The following HERC1 variants were observed in gnomAD, a reference collection of about 807,000 sequenced individuals.
HERC1 encodes probable E3 ubiquitin-protein ligase HERC1.
Under a neutral mutation model 554.3 loss-of-function variants are expected in HERC1, and 160 were observed. That is an observed-to-expected ratio of 0.29 (90% CI 0.25 to 0.33). The LOEUF (loss-of-function observed/expected upper bound fraction) is 0.33. Among genes scored for constraint, HERC1 ranks in the 10% least tolerant of loss-of-function variants. The probability of loss-of-function intolerance (pLI) is 1.00; values close to 1 mark genes in which losing one functional copy is unlikely to be tolerated. For synonymous variants in HERC1, 2,175 were observed against 2,131.7 expected, an observed-to-expected ratio of 1.02 and a Z score of -0.56; for missense variants, 4,919 against 5,918.5, an observed-to-expected ratio of 0.83 and a Z score of 5.54.
At chr15:63,638,026 G>C (rs1301557585) in intron 63 of HERC1, among the ~76,000 whole-genome samples, 2 of 152,116 alleles carry the variant, frequency 1.3e-5, no homozygotes, top group African/African-American at 4.8e-5. Flanking sequence ...CCTCGAGAAG[G>C]GTTTGGCGCT....
intron 12 of HERC1, among the ~76,000 whole-genome samples, chr15:63,737,137 T>A (rs1373062423): frequency 2.0e-5 from 3 of 151,334 alleles, no homozygotes; most frequent in Non-Finnish European, 4.4e-5. Flanking sequence ...ATTAAAAAGA[T>A]GATAAAAGAA....
chr15:63,796,273 C>A (rs988952163), intron 1 of HERC1, among the ~76,000 whole-genome samples: 1 of 152,206 alleles, frequency 6.6e-6, no homozygotes, highest in African/African-American at 2.4e-5. Context: ...TATTTTCCAA[C>A]AGTTACATCT....
At chr15:63,703,857 C>A (rs2153086101) in intron 25 of HERC1, among the ~76,000 whole-genome samples, 1 of 151,178 alleles carries the variant, frequency 6.6e-6, no homozygotes, top group East Asian at 2.0e-4. Context: ...CTCAGTGGTG[C>A]AGTGAGCTGT....
intron 12 of HERC1, among the ~76,000 whole-genome samples, chr15:63,736,742 G>A (rs541232440): frequency 5.3e-5 from 8 of 152,192 alleles, no homozygotes; most frequent in African/African-American, 1.9e-4. Context: ...AAGTAGCTGG[G>A]ATTACAGGCA....
intron 31 of HERC1, among the ~76,000 whole-genome samples, chr15:63,691,408 G>GT (rs2072100969): frequency 6.6e-6 from 1 of 152,096 alleles, no homozygotes; most frequent in Admixed American, 6.5e-5. Context: ...AGAGGTTGCA[G>GT]TGAGTTGAGA....
chr15:63,741,267 T>A (rs926231399), intron 12 of HERC1, among the ~76,000 whole-genome samples: 1 of 152,088 alleles, frequency 6.6e-6, no homozygotes, highest in African/African-American at 2.4e-5. Context: ...GACCTCGTGA[T>A]CCACCCGCCT....
In HERC1 at chr15:63,688,019, A is replaced by G. The variant is rs192124942; in HGVS notation, c.6049-1484T>C. ...TGACGAGAAACCATTGGAGTATTTTAAGCAGGGGATGAACATGCTCTGATT... is the reference window on the plus strand; with the variant it reads ...TGACGAGAAACCATTGGAGTATTTTGAGCAGGGGATGAACATGCTCTGATT... On this transcript the variant is annotated intron_variant, in intron 33 of 77. Coordinates refer to ENST00000443617, the MANE Select transcript of HERC1 (RefSeq NM_003922.4). Among the ~76,000 whole-genome samples, 3 of 152,336 alleles carry G rather than the reference A, an allele frequency of 2.0e-5. No individual in the cohort carries two copies. The East Asian group carries it at 5.8e-4, about 29-fold the overall frequency.
rs1249145955 is a variant in HERC1 at position 63,713,777 on chromosome 15, A to G, written c.4151-112T>C. ...GACCAAAAACTTACTGAAAGAGGGAAAAATTATTTTTTAGACATTATATAC... is the reference window on the plus strand; with the variant it reads ...GACCAAAAACTTACTGAAAGAGGGAGAAATTATTTTTTAGACATTATATAC... On this transcript the variant is annotated intron_variant, in intron 22 of 77. Transcript: ENST00000443617. 1.1e-5 allele frequency: 10 copies of G among 904,114 alleles called. No homozygotes were observed. The East Asian group carries it at 2.7e-4, about 24-fold the overall frequency. The allele number at this position is 904,114 out of a possible 1,614,324, so 56.0% of individuals were successfully genotyped here.
At position 63,678,347 on chromosome 15, in the gene HERC1, G is replaced by T. The variant is rs773175147; in HGVS notation, c.6568C>A (p.Gln2190Lys). Residue 2190 changes from glutamine to lysine, a missense_variant, in exon 37 of 78, where the codon CAG (glutamine) becomes AAG (lysine). By Grantham distance (53) the Gln-to-Lys change is moderately conservative (BLOSUM62 1). Coordinates refer to ENST00000443617, the MANE Select transcript of HERC1 (RefSeq NM_003922.4). ...PGEKVKICDM[Q>K]MRGTPRDLLP... ...AAGTCTCGGGGTGTGCCACGCATCT[G>T]CATATCACAAATTTTCACCTATATA... The T allele has an allele frequency of 6.3e-6, 10 of 1,596,470 alleles. No individual in the cohort carries two copies. The highest frequency in any genetic ancestry group is 8.5e-6 in the Non-Finnish European group (10 of 1,172,902).
intron 33 of HERC1, among the ~76,000 whole-genome samples, chr15:63,687,423 A>T (rs1303887626): frequency 6.6e-6 from 1 of 152,140 alleles, no homozygotes. Context: ...CTGTAATCCC[A>T]GCTACTTAGG....
chr15:63,683,504 T>C (rs2071590069), intron 34 of HERC1, among the ~76,000 whole-genome samples: 1 of 152,214 alleles, frequency 6.6e-6, no homozygotes, highest in Non-Finnish European at 1.5e-5. Flanking sequence ...GTCTAACACT[T>C]ACAGGCTGAT....
intron 12 of HERC1, among the ~76,000 whole-genome samples, chr15:63,737,205 G>C (rs1388635407): frequency 6.6e-6 from 1 of 150,622 alleles, no homozygotes; most frequent in Non-Finnish European, 1.5e-5. Flanking sequence ...TAAAGCAGAG[G>C]GGGGAAAAGA....
chr15:63,676,590 C>T lies in HERC1; in HGVS notation c.7070+1255G>A, dbSNP rs563174078. On this transcript the variant is annotated intron_variant, in intron 37 of 77. Transcript: ENST00000443617. Reference sequence around the variant, plus strand: ...TGGGTAACATGGTGAAACCCTGTCTCTACAAAAATATAAAAATTAGCCGGG... The same window carrying T: ...TGGGTAACATGGTGAAACCCTGTCTTTACAAAAATATAAAAATTAGCCGGG... Among the ~76,000 whole-genome samples the T allele has an allele frequency of 5.9e-5, 9 of 151,986 alleles. No homozygotes were observed. In the South Asian group the frequency reaches 1.9e-3, roughly 32 times the overall value.
At chr15:63,679,213 T>C (rs1170885761) in intron 36 of HERC1, among the ~76,000 whole-genome samples, 2 of 152,172 alleles carry the variant, frequency 1.3e-5, no homozygotes, top group East Asian at 1.9e-4. Flanking sequence ...CAAACCTACA[T>C]AGGGCAAGGG....
intron 44 of HERC1, 50 bp from the exon 45 acceptor site, chr15:63,662,071 C>G: frequency 3.3e-6 from 5 of 1,523,768 alleles, no homozygotes; most frequent in Non-Finnish European, 4.5e-6. Context: ...AACATAAAAC[C>G]AAGAAGTACC....
Position 63,612,528 on chromosome 15 carries a change from C to A in HERC1, c.14123G>T (p.Trp4708Leu), listed in dbSNP as rs1295391360. ...QVAAVREGMS[W>L]IVPVPLLSLL... ...GGACAGCAGCGGCACAGGAACAATC[C>A]AGGACATCCCTTCTCGGACTGCAGC... The change falls in exon 77 of 78, where the codon TGG (tryptophan) becomes TTG (leucine). Residue 4708 changes from tryptophan to leucine, a missense_variant. This residue lies in a region of HERC1 where 284 missense variants were observed against 294.1 expected (regional missense o/e 0.97). Coordinates refer to ENST00000443617, the MANE Select transcript of HERC1 (RefSeq NM_003922.4). The surrounding 1 kb of genome is among the most constrained non-coding windows in gnomAD (Gnocchi z 5.0). 5 of 1,613,748 alleles carry A rather than the reference C, an allele frequency of 3.1e-6. No homozygotes were observed. Among genetic ancestry groups the A allele is most frequent in the African/African-American group, 1.3e-5 (1 of 74,926 alleles).
At chr15:63,665,390 G>T (rs371141561) in intron 42 of HERC1, among the ~76,000 whole-genome samples, 1 of 152,208 alleles carries the variant, frequency 6.6e-6, no homozygotes, top group East Asian at 1.9e-4. Context: ...AAAATGAGCC[G>T]GGCATGGTGG....
Position 63,754,597 on chromosome 15 carries a change from C to T in HERC1, c.1682G>A (p.Ser561Asn). The T allele has an allele frequency of 6.2e-7, 1 of 1,613,338 alleles. No individual in the cohort carries two copies. ...GCCACAAGAAACCTCTCCTACATTG[C>T]TGATGTCTTTTACTAATGTTGGAAT... ...RNIPTLVKDI[S>N]NVGEVSCGSS... Residue 561 changes from serine (S) to asparagine (N), a missense_variant, in exon 7 of 78, where the codon AGC (serine) becomes AAC (asparagine). This residue lies in a region of HERC1 where 744 missense variants were observed against 1,090.0 expected (regional missense o/e 0.68). Coordinates refer to ENST00000443617, the MANE Select transcript of HERC1 (RefSeq NM_003922.4).
In HERC1 at chr15:63,612,632, C is replaced by T. The variant is rs961981949; in HGVS notation, c.14095-76G>A. The stretch of plus-strand genomic sequence containing the variant: ...CCACCAAGGGCCCTGTGGGGCTAGG[C>T]GCCTCCTGATGCCTGCTCGTCCGCT... On this transcript the variant is annotated intron_variant, in intron 76 of 77. Coordinates refer to ENST00000443617, the MANE Select transcript of HERC1 (RefSeq NM_003922.4). The surrounding 1 kb of genome is among the most constrained non-coding windows in gnomAD (Gnocchi z 5.0). 5.8e-5 allele frequency: 84 copies of T among 1,448,016 alleles called. No homozygotes were observed. The South Asian group carries it at 7.9e-4, about 14-fold the overall frequency. The allele number at this position is 1,448,016 out of a possible 1,614,324, so 89.7% of individuals were successfully genotyped here.
Sources: gnomAD v4.1 joint callset for allele counts (sites outside exome capture counted in the v4.1 genomes callset) on GRCh38, gnomAD v4.1.1 for gene constraint, gnomAD v4.1.1 regional missense constraint, Gnocchi (gnomAD v3.1) non-coding constraint, MANE v1.5 for transcripts, NCBI Gene and HGNC (gene_info 2026-07-23, HGNC 2026-07-21) for gene names.